RGS5: variants seen among roughly 807,000 people sequenced by gnomAD.
The protein encoded by RGS5 is regulator of G-protein signalling 5.
In RGS5, 20 loss-of-function variants were observed where a neutral mutation model predicts 18.9. That is an observed-to-expected ratio of 1.06 (90% CI 0.74 to 1.54). The LOEUF (loss-of-function observed/expected upper bound fraction) is 1.54. Ranked by LOEUF, RGS5 falls within the 40% of genes most tolerant of loss-of-function variation. The pLI is 0.00. For synonymous variants in RGS5, 57 were observed against 76.2 expected, an observed-to-expected ratio of 0.75 and a Z score of 1.31; for missense variants, 201 against 211.8, an observed-to-expected ratio of 0.95 and a Z score of 0.32.
chr1:163,236,411 C>A (rs1647622596), intron 2 of RGS5, among the ~76,000 whole-genome samples: 1 of 151,998 alleles, frequency 6.6e-6, no homozygotes, highest in Non-Finnish European at 1.5e-5. Context: ...TTAATATATA[C>A]TGTTATATCA....
upstream of RGS5, among the ~76,000 whole-genome samples, chr1:163,219,557 C>T (rs1349970294): frequency 2.0e-5 from 3 of 152,108 alleles, no homozygotes; most frequent in Non-Finnish European, 4.4e-5. Flanking sequence ...TATGTCTCTT[C>T]ATTCTAATTC....
chr1:163,177,241 C>T (rs1658596979), intron 1 of RGS5, among the ~76,000 whole-genome samples: 1 of 152,172 alleles, frequency 6.6e-6, no homozygotes, highest in African/African-American at 2.4e-5. Context: ...GCTTGATTCC[C>T]ACAAAGTCCT....
At chr1:163,186,833 T>G (rs980375378) in intron 1 of RGS5, among the ~76,000 whole-genome samples, 1 of 152,142 alleles carries the variant, frequency 6.6e-6, no homozygotes, top group African/African-American at 2.4e-5. Flanking sequence ...TCTCAGTCTG[T>G]GATTCTAAGC....
intron 1 of RGS5, among the ~76,000 whole-genome samples, chr1:163,316,591 A>C (rs1433652314): frequency 2.0e-5 from 3 of 151,994 alleles, no homozygotes; most frequent in Non-Finnish European, 4.4e-5. Flanking sequence ...CTCAAAAAAA[A>C]AAAAAGCTAA....
chr1:163,160,377 T>TA (rs1354962398), intron 3 of RGS5, among the ~76,000 whole-genome samples: 1 of 152,196 alleles, frequency 6.6e-6, no homozygotes, highest in Non-Finnish European at 1.5e-5. Flanking sequence ...AGTCCATTAA[T>TA]AAACATAAAT....
At chr1:163,198,952 G>A (rs2999860) in intron 1 of RGS5, among the ~76,000 whole-genome samples, 1 of 151,980 alleles carries the variant, frequency 6.6e-6, no homozygotes, top group Non-Finnish European at 1.5e-5. Flanking sequence ...TTACAGGCAG[G>A]AGTAATGTGC....
chr1:163,248,792 T>G (rs1648022033), intron 2 of RGS5: 1 of 152,146 alleles, frequency 6.6e-6, no homozygotes, highest in South Asian at 2.1e-4. Context: ...GAAGCTGGAT[T>G]TGAGATTGTG....
At position 163,143,772 on chromosome 1, in the gene RGS5, T is replaced by G. The variant is rs1266173910; in HGVS notation, c.*3570A>C. 5 of 152,126 alleles carry G rather than the reference T, an allele frequency of 3.3e-5. No individual in the cohort carries two copies. The highest frequency in any genetic ancestry group is 7.4e-5 in the Non-Finnish European group (5 of 68,010). 9.4% of individuals were successfully genotyped at this position (152,126 alleles called of 1,614,324 possible). A position where few individuals can be genotyped will look rare whatever the true frequency, so the allele number is the denominator to read the frequency against. On this transcript the variant is annotated 3_prime_UTR_variant, in exon 5 of 5. Coordinates refer to ENST00000313961, the MANE Select transcript of RGS5 (RefSeq NM_003617.4). Reference sequence around the variant, plus strand: ...ATCATTTCTCTGAAATATAACTAGCTTTTACAACGATTCTCAAATTTGTTA... The same window carrying G: ...ATCATTTCTCTGAAATATAACTAGCGTTTACAACGATTCTCAAATTTGTTA...
chr1:163,200,992 G>A (rs1659751688), intron 1 of RGS5, among the ~76,000 whole-genome samples: 2 of 152,118 alleles, frequency 1.3e-5, no homozygotes, highest in South Asian at 2.1e-4. Context: ...AAAACATAGA[G>A]CAAAATAATT....
chr1:163,207,645 C>A (rs1659980980), upstream of RGS5, among the ~76,000 whole-genome samples: 1 of 152,232 alleles, frequency 6.6e-6, no homozygotes, highest in Non-Finnish European at 1.5e-5. Context: ...ATTTTTTAAA[C>A]AACTTTACTA....
rs1466505912 is a variant in RGS5 at position 163,145,838 on chromosome 1, T to C, written c.*1504A>G. 1.3e-5 allele frequency: 2 copies of C among 152,118 alleles called. No individual in the cohort carries two copies. The highest frequency in any genetic ancestry group is 2.9e-5 in the Non-Finnish European group (2 of 68,024). 9.4% of individuals were successfully genotyped at this position (152,118 alleles called of 1,614,324 possible). A position where few individuals can be genotyped will look rare whatever the true frequency, so the allele number is the denominator to read the frequency against. On this transcript the variant is annotated 3_prime_UTR_variant, in exon 5 of 5. Coordinates refer to ENST00000313961, the MANE Select transcript of RGS5 (RefSeq NM_003617.4). ...CTACAAATATGAGAAACTGAGAGTGTGTGAATGAAAGAGAGCAACAGAAGG... is the reference window on the plus strand; with the variant it reads ...CTACAAATATGAGAAACTGAGAGTGCGTGAATGAAAGAGAGCAACAGAAGG...
At chr1:163,200,908 T>C (rs1020060885) in intron 1 of RGS5, among the ~76,000 whole-genome samples, 1 of 152,156 alleles carries the variant, frequency 6.6e-6, no homozygotes, top group African/African-American at 2.4e-5. Context: ...GAATCAGATA[T>C]AATACAGTAA....
At chr1:163,172,683 A>G (rs1658358408) in intron 1 of RGS5, 4 of 1,382,724 alleles carry the variant, frequency 2.9e-6, no homozygotes, top group Non-Finnish European at 3.9e-6. Flanking sequence ...GCTCAAGTAT[A>G]GAGCATTATA....
intron 2 of RGS5, among the ~76,000 whole-genome samples, chr1:163,240,081 C>T (rs1258847225): frequency 2.7e-5 from 4 of 150,856 alleles, no homozygotes; most frequent in Non-Finnish European, 5.9e-5. Flanking sequence ...GGAAAAAATA[C>T]ACCTGCCCTA....
chr1:163,314,241 A>T (rs1649952700), intron 1 of RGS5, among the ~76,000 whole-genome samples: 1 of 152,216 alleles, frequency 6.6e-6, no homozygotes, highest in Admixed American at 6.5e-5. Flanking sequence ...TTGAATATAT[A>T]TGGTCAAACT....
At chr1:163,249,709 T>C (rs1648056557) in intron 2 of RGS5, among the ~76,000 whole-genome samples, 1 of 152,166 alleles carries the variant, frequency 6.6e-6, no homozygotes, top group Admixed American at 6.5e-5. Flanking sequence ...GAGAATCGCT[T>C]GAAACCAGGA....
intron 1 of RGS5, among the ~76,000 whole-genome samples, chr1:163,193,830 A>G (rs190682348): frequency 6.6e-6 from 1 of 152,288 alleles, no homozygotes; most frequent in Admixed American, 6.5e-5. Flanking sequence ...CAAGGATGAA[A>G]ACTTTTCCAC....
chr1:163,181,674 C>G (rs1658853140), intron 1 of RGS5, among the ~76,000 whole-genome samples: 1 of 152,034 alleles, frequency 6.6e-6, no homozygotes, highest in South Asian at 2.1e-4. Context: ...GTATGTACTC[C>G]CAGTTAGATA....
At chr1:163,217,446 A>G in intron 1 of RGS5, 1 of 1,394,406 alleles carries the variant, frequency 7.2e-7, no homozygotes, top group Non-Finnish European at 9.4e-7. Flanking sequence ...GCATCCTTCC[A>G]CAAAATAACT....
Sources: allele counts gnomAD v4.1 joint callset (sites outside exome capture counted in the v4.1 genomes callset), GRCh38; gene constraint gnomAD v4.1.1; transcripts MANE v1.5; gene names NCBI Gene and HGNC (gene_info 2026-07-23, HGNC 2026-07-21).